Variants in LY86 observed in about 807,000 individuals in gnomAD.
The protein encoded by LY86 is lymphocyte antigen 86, also known as MD-1, RP105-associated.
Under a neutral mutation model 17.3 loss-of-function variants are expected in LY86, and 20 were observed. The observed-to-expected ratio is 1.15, with a 90% CI of 0.81 to 1.68. LY86 has a LOEUF of 1.68. Among genes scored for constraint, LY86 ranks in the 40% most tolerant of loss-of-function variants. The pLI is 0.00. For missense variants in LY86, 200 were observed against 191.9 expected, an observed-to-expected ratio of 1.04 and a Z score of -0.25; for synonymous variants, 74 against 70.6, an observed-to-expected ratio of 1.05 and a Z score of -0.24.
intron 3 of LY86, 144 bp from the exon 4 acceptor site, chr6:6,649,481 C>CTCGGTGTT: frequency 1.7e-6 from 1 of 595,104 alleles, no homozygotes; most frequent in Admixed American, 3.3e-5. Context: ...AGGTGTAGAT[C>CTCGGTGTT]AGGAAATGAA....
At chr6:6,642,231 A>G (rs1399080418) in intron 3 of LY86, among the ~76,000 whole-genome samples, 1 of 152,172 alleles carries the variant, frequency 6.6e-6, no homozygotes, top group Non-Finnish European at 1.5e-5. Flanking sequence ...TGGATTTCTG[A>G]TCCCACTTAA....
intron 1 of LY86, among the ~76,000 whole-genome samples, chr6:6,618,476 T>TG (rs1761604219): frequency 6.6e-6 from 1 of 151,850 alleles, no homozygotes; most frequent in Non-Finnish European, 1.5e-5. Flanking sequence ...GGATCCAGAA[T>TG]TTTGAGTTTA....
intron 1 of LY86, among the ~76,000 whole-genome samples, chr6:6,596,215 G>A (rs1760708566): frequency 6.6e-6 from 1 of 152,206 alleles, no homozygotes; most frequent in Non-Finnish European, 1.5e-5. Context: ...TCTCCGTACA[G>A]AATAGAGGGT....
intron 1 of LY86, among the ~76,000 whole-genome samples, chr6:6,612,218 A>G (rs767174448): frequency 6.6e-6 from 1 of 152,200 alleles, no homozygotes; most frequent in African/African-American, 2.4e-5. Context: ...CTCACAGTTA[A>G]GTTCTTCAAG....
chr6:6,622,025 C>T (rs1761692290), intron 1 of LY86, among the ~76,000 whole-genome samples: 1 of 151,948 alleles, frequency 6.6e-6, no homozygotes, highest in African/African-American at 2.4e-5. Flanking sequence ...TGTTTACACT[C>T]AAAGATATCA....
chr6:6,603,590 AC>A lies in LY86; in HGVS notation c.136+14721del, dbSNP rs1379144282. ...AGCCAAAACAAAGCCAAAGCCAAAA[AC>A]AAAAACAGAAACAGAAAAAAAAACA... On this transcript the variant is annotated intron_variant, in intron 1 of 4. Coordinates refer to ENST00000230568, the MANE Select transcript of LY86 (RefSeq NM_004271.4). Among the ~76,000 whole-genome samples the A allele has an allele frequency of 2.4e-4, 16 of 67,796 alleles. 1 individual carries two copies. Among genetic ancestry groups the A allele is most frequent in the East Asian group, 1.6e-3 (3 of 1,828 alleles). 44.5% of individuals were successfully genotyped at this position (67,796 alleles called of 152,430 possible). A position where few individuals can be genotyped will look rare whatever the true frequency, so the allele number is the denominator to read the frequency against.
chr6:6,643,786 G>A (rs920787886), intron 3 of LY86, among the ~76,000 whole-genome samples: 6 of 152,096 alleles, frequency 3.9e-5, no homozygotes, highest in African/African-American at 1.2e-4. Flanking sequence ...ACACACACAC[G>A]AAAGGTGACT....
In LY86 at chr6:6,612,454, T is replaced by TA. The variant is rs897196239; in HGVS notation, c.137-12471dup. The stretch of plus-strand genomic sequence containing the variant: ...AACCGCAAACCTTCATGGGGAGTGT[T>TA]ACACTTCATAAAAGCAATGCAGACC... On this transcript the variant is annotated intron_variant, in intron 1 of 4. Transcript: ENST00000230568. 3.9e-5 allele frequency among the ~76,000 whole-genome samples: 6 copies of TA among 152,308 alleles called. No homozygotes were observed. The South Asian group carries it at 1.2e-3, about 32-fold the overall frequency.
intron 3 of LY86, among the ~76,000 whole-genome samples, chr6:6,635,504 A>G (rs28542590): frequency 0.037 from 5,578 of 152,120 alleles, 302 homozygotes; most frequent in African/African-American, 0.12. Context: ...AGTTGACCAC[A>G]GGTAATTGAG....
intron 1 of LY86, among the ~76,000 whole-genome samples, chr6:6,601,016 A>G (rs534583822): frequency 2.6e-4 from 40 of 152,322 alleles, no homozygotes; most frequent in Middle Eastern, 3.4e-3. Context: ...CACTTCCAAA[A>G]AATACCTGAG....
At position 6,643,317 on chromosome 6, in the gene LY86, A is replaced by G. The variant is rs117142677; in HGVS notation, c.353-6308A>G. 5.9e-5 allele frequency among the ~76,000 whole-genome samples: 9 copies of G among 152,350 alleles called. No homozygotes were observed. In the East Asian group the frequency reaches 1.7e-3, roughly 29 times the overall value. On this transcript the variant is annotated intron_variant, in intron 3 of 4. Transcript: ENST00000230568. ...AAAGACAATTTGGTCTATACACACAATGGAATATGATTCAGCCTTAAAAAA... is the reference window on the plus strand; with the variant it reads ...AAAGACAATTTGGTCTATACACACAGTGGAATATGATTCAGCCTTAAAAAA...
At chr6:6,589,010 TG>T in intron 1 of LY86, 140 bp downstream of exon 1, 2 of 1,145,488 alleles carry the variant, frequency 1.7e-6, no homozygotes, top group South Asian at 1.7e-5. Context: ...GCAGCAGGTC[TG>T]GGAGGGCCAC....
chr6:6,590,184 T>TC (rs556441651), intron 1 of LY86, among the ~76,000 whole-genome samples: 284 of 146,018 alleles, frequency 1.9e-3, no homozygotes, highest in Non-Finnish European at 2.6e-3. Flanking sequence ...GATACCGTAG[T>TC]CCCCCCCCAG....
chr6:6,649,480 T>TCTCGGTGGTCG, intron 3 of LY86, 145 bp from the exon 4 acceptor site: 4 of 598,328 alleles, frequency 6.7e-6, no homozygotes, highest in South Asian at 4.2e-5. Context: ...TAGGTGTAGA[T>TCTCGGTGGTCG]CAGGAAATGA....
intron 3 of LY86, among the ~76,000 whole-genome samples, chr6:6,634,725 G>T (rs1431481811): frequency 6.6e-6 from 1 of 152,106 alleles, no homozygotes; most frequent in Admixed American, 6.5e-5. Context: ...TCAAAATTCT[G>T]TCTTAACAAT....
chr6:6,612,594 C>A (rs1347683773), intron 1 of LY86, among the ~76,000 whole-genome samples: 1 of 146,422 alleles, frequency 6.8e-6, no homozygotes, highest in African/African-American at 2.5e-5. Context: ...ACTTTATTCT[C>A]TTATCTGGCC....
chr6:6,606,272 C>T (rs1761140967), intron 1 of LY86, among the ~76,000 whole-genome samples: 1 of 152,140 alleles, frequency 6.6e-6, no homozygotes, highest in Non-Finnish European at 1.5e-5. Context: ...ACCAGAGTAG[C>T]TAAACACAGA....
chr6:6,608,181 GA>G (rs1474598768), intron 1 of LY86, among the ~76,000 whole-genome samples: 1 of 152,090 alleles, frequency 6.6e-6, no homozygotes, highest in East Asian at 1.9e-4. Flanking sequence ...AGTAAGACAA[GA>G]AAAAGAAAAT....
At chr6:6,614,785 C>CT (rs1352864687) in intron 1 of LY86, among the ~76,000 whole-genome samples, 3 of 152,100 alleles carry the variant, frequency 2.0e-5, no homozygotes, top group Non-Finnish European at 4.4e-5. Flanking sequence ...AGAATCCTAC[C>CT]TAAGCAGGGC....
Sources: allele counts gnomAD v4.1 joint callset (sites outside exome capture counted in the v4.1 genomes callset), GRCh38; gene constraint gnomAD v4.1.1; transcripts MANE v1.5; gene names NCBI Gene and HGNC (gene_info 2026-07-23, HGNC 2026-07-21).